Variants in MSI1 observed in about 807,000 individuals in gnomAD.
MSI1 encodes RNA-binding protein Musashi homolog 1.
Under a neutral mutation model 54.4 loss-of-function variants are expected in MSI1, and 15 were observed. The ratio of observed to expected loss-of-function variants is 0.28; its 90% CI spans 0.18 to 0.42. The LOEUF is 0.42. MSI1 is among the 20% of genes least tolerant of loss of function. The probability of loss-of-function intolerance (pLI) is 1.00; values close to 1 mark genes in which losing one functional copy is unlikely to be tolerated. For synonymous variants in MSI1, 200 were observed against 196.5 expected (o/e 1.02, Z -0.15); for missense variants, 304 against 506.0 (o/e 0.60, Z 3.83).
rs186071742 is a variant in MSI1 at position 120,363,671 on chromosome 12, A to G, written c.310-536T>C. 2.6e-4 allele frequency among the ~76,000 whole-genome samples: 39 copies of G among 152,240 alleles called. 1 individual carries two copies. The South Asian group carries it at 6.6e-3, about 26-fold the overall frequency. On this transcript the variant is annotated intron_variant, in intron 5 of 14. Transcript: ENST00000257552. ...CCCAGCCCCATCCTAACACTAAAGC[A>G]CCTTCTGTCACCAAACTGCTTAATG...
In MSI1 at chr12:120,345,583, C is replaced by T. The variant is rs1874044403; in HGVS notation, c.*8G>A. 6.2e-7 allele frequency: 1 copy of T among 1,613,832 alleles called. No homozygotes were observed. Among genetic ancestry groups the T allele is most frequent in the South Asian group, 1.1e-5 (1 of 91,062 alleles). ...CCACATCCTCACCTCCTGCCACCGTCCCCTGCTTCAGTGGTACCCATTGGT... is the reference window on the plus strand; with the variant it reads ...CCACATCCTCACCTCCTGCCACCGTTCCCTGCTTCAGTGGTACCCATTGGT... On this transcript the variant is annotated 3_prime_UTR_variant, in exon 14 of 15. Coordinates refer to ENST00000257552, the MANE Select transcript of MSI1 (RefSeq NM_002442.4).
chr12:120,356,922 A>G lies in MSI1; in HGVS notation c.632T>C (p.Met211Thr), dbSNP rs1341218736. 1 of 1,614,026 alleles carries G rather than the reference A, an allele frequency of 6.2e-7. No individual in the cohort carries two copies. The highest frequency in any genetic ancestry group is 1.1e-5 in the South Asian group (1 of 91,090). The change falls in exon 9 of 15, where the codon ATG becomes ACG. Residue 211 changes from methionine (M) to threonine (T), a missense_variant. Met to Thr is a moderately conservative substitution (Grantham distance 81, BLOSUM62 -1). Coordinates refer to ENST00000257552, the MANE Select transcript of MSI1 (RefSeq NM_002442.4). The stretch of plus-strand genomic sequence containing the variant: ...CATACCCAGCATGCCGATGCCCAGC[A>G]TGAAGGCGTCCATTCCGTAGGGCAT... ...RVMPYGMDAF[M>T]LGIGMLGYPG...
chr12:120,355,458 G>T, intron 9 of MSI1, among the ~76,000 whole-genome samples: 1 of 151,476 alleles, frequency 6.6e-6, no homozygotes, highest in Admixed American at 6.6e-5. Context: ...AACTTAGGAA[G>T]TTGATAACTA....
At chr12:120,364,535 T>C (rs916305112) in intron 5 of MSI1, among the ~76,000 whole-genome samples, 179 bp downstream of exon 5, 8 of 152,020 alleles carry the variant, frequency 5.3e-5, no homozygotes, top group Non-Finnish European at 1.0e-4. Flanking sequence ...GAAAGACATA[T>C]AGTGTCTTCA....
At chr12:120,347,758 C>A (rs935287058) in intron 11 of MSI1, among the ~76,000 whole-genome samples, 1 of 152,182 alleles carries the variant, frequency 6.6e-6, no homozygotes, top group Non-Finnish European at 1.5e-5. Flanking sequence ...TCAATTTCTC[C>A]CCTGGTCTGG....
downstream of MSI1, among the ~76,000 whole-genome samples, chr12:120,340,823 T>C (rs960652625): frequency 2.6e-5 from 4 of 152,092 alleles, no homozygotes; most frequent in African/African-American, 9.7e-5. Context: ...CTTCATTTCT[T>C]TATGGAGGCT....
chr12:120,344,037 G>A (rs1461703382), intron 14 of MSI1, among the ~76,000 whole-genome samples: 1 of 152,066 alleles, frequency 6.6e-6, no homozygotes, highest in African/African-American at 2.4e-5. Context: ...TGTATTTTTA[G>A]TAGAGATGGG....
chr12:120,357,236 C>T (rs964834283), intron 8 of MSI1, among the ~76,000 whole-genome samples: 1 of 152,202 alleles, frequency 6.6e-6, no homozygotes, highest in Non-Finnish European at 1.5e-5. Flanking sequence ...ACTACCAATA[C>T]TATGATGGAG....
At chr12:120,346,683 T>TCCC (rs1874154174) in intron 12 of MSI1, among the ~76,000 whole-genome samples, 1 of 152,010 alleles carries the variant, frequency 6.6e-6, no homozygotes, top group Admixed American at 6.6e-5. Flanking sequence ...TTCCGCACTT[T>TCCC]CCCCACCCAC....
chr12:120,364,732 A>T lies in MSI1; in HGVS notation c.291T>A (p.Pro97=). 1 of 1,600,404 alleles carries T rather than the reference A, an allele frequency of 6.2e-7. No individual in the cohort carries two copies. Among genetic ancestry groups the T allele is most frequent in the South Asian group, 1.1e-5 (1 of 87,648 alleles). The part of the protein sequence containing the change: ...SKTIDPKVAF[P]RRAQPKMVTR... The stretch of plus-strand genomic sequence containing the variant: ...CACCTACCTTGGGCTGTGCTCGCCG[A>T]GGGAAGGCCACCTTAGGGTCAATCT... The change falls in exon 5 of 15, where the codon CCT becomes CCA. Residue 97 remains proline (P), a synonymous_variant. Coordinates refer to ENST00000257552, the MANE Select transcript of MSI1 (RefSeq NM_002442.4).
chr12:120,346,383 C>T lies in MSI1; in HGVS notation c.860-61G>A, dbSNP rs1026946413. 3.6e-5 allele frequency: 52 copies of T among 1,427,298 alleles called. 1 individual carries two copies. The highest frequency in any genetic ancestry group is 4.6e-5 in the Non-Finnish European group (50 of 1,079,474). The allele number at this position is 1,427,298 out of a possible 1,614,324, so 88.4% of individuals were successfully genotyped here. The stretch of plus-strand genomic sequence containing the variant: ...TGCCCTCTGCCACCCCACGGCACCC[C>T]CTCAAGCCTGTCCCACCCACCCTAA... On this transcript the variant is annotated intron_variant, in intron 12 of 14. Coordinates refer to ENST00000257552, the MANE Select transcript of MSI1 (RefSeq NM_002442.4).
chr12:120,356,277 GC>G (rs1400022589), intron 9 of MSI1, among the ~76,000 whole-genome samples: 2 of 151,998 alleles, frequency 1.3e-5, no homozygotes, highest in African/African-American at 4.8e-5. Flanking sequence ...CCTTCCTTTT[GC>G]CCCCTCCAAA....
intron 11 of MSI1, among the ~76,000 whole-genome samples, chr12:120,348,346 G>T (rs1197669728): frequency 6.6e-6 from 1 of 152,136 alleles, no homozygotes; most frequent in Non-Finnish European, 1.5e-5. Context: ...TGAGCCTGGG[G>T]CTCCCTGGGG....
Position 120,353,327 on chromosome 12 carries a change from G to A in MSI1, c.705C>T (p.Leu235=), listed in dbSNP as rs781440435. The A allele has an allele frequency of 3.0e-5, 48 of 1,613,976 alleles. No homozygotes were observed. The highest frequency in any genetic ancestry group is 4.5e-5 in the East Asian group (2 of 44,890). The change falls in exon 10 of 15, where the codon CTC becomes CTT. Residue 235 remains leucine, a synonymous_variant. Transcript: ENST00000257552. ...TTYASRSYTG[L]APGYTYQFPE... is the part of the protein sequence containing the mutation. The stretch of plus-strand genomic sequence containing the variant: ...GGAACTGGTAGGTGTAGCCAGGGGC[G>A]AGGCCTGTATAACTCCGGCTGGCGT...
chr12:120,345,759 A>C, intron 13 of MSI1, 127 bp from the exon 14 acceptor site: 5 of 1,080,904 alleles, frequency 4.6e-6, no homozygotes, highest in Non-Finnish European at 7.0e-6. Flanking sequence ...TCGCCCCCCT[A>C]CTGCAGGTCT....
Position 120,345,600 on chromosome 12 carries a change from C to T in MSI1, c.1080G>A (p.Gly360=). The T allele has an allele frequency of 6.2e-7, 1 of 1,613,828 alleles. No homozygotes were observed. The highest frequency in any genetic ancestry group is 8.5e-7 in the Non-Finnish European group (1 of 1,179,916). ...GCCACCGTCCCCTGCTTCAGTGGTA[C>T]CCATTGGTGAAGGCTGTGGCAATCA... ...GPLIATAFTN[G]YH Residue 360 remains glycine, a synonymous_variant, in exon 14 of 15, where the codon GGG becomes GGA. Transcript: ENST00000257552.
intron 6 of MSI1, among the ~76,000 whole-genome samples, chr12:120,362,744 G>GT (rs1303414435): frequency 6.6e-6 from 1 of 152,242 alleles, no homozygotes; most frequent in Non-Finnish European, 1.5e-5. Context: ...TGAACTGGCT[G>GT]TGGGAGCACT....
chr12:120,369,011 A>C, intron 1 of MSI1, 22 bp downstream of exon 1: 1 of 1,068,986 alleles, frequency 9.4e-7, no homozygotes, highest in Non-Finnish European at 1.1e-6. Context: ...GCGCGGGCCA[A>C]GCAGGCCGGG....
intron 10 of MSI1, among the ~76,000 whole-genome samples, chr12:120,351,650 C>T (rs547289565): frequency 1.4e-4 from 21 of 151,742 alleles, no homozygotes; most frequent in African/African-American, 2.4e-4. Flanking sequence ...GCTGGAGCTA[C>T]GATTCCAGGT....
Sources: allele counts gnomAD v4.1 joint callset (sites outside exome capture counted in the v4.1 genomes callset), GRCh38; gene constraint gnomAD v4.1.1; transcripts MANE v1.5; gene names NCBI Gene and HGNC (gene_info 2026-07-23, HGNC 2026-07-21).